RUNX2: variants seen among roughly 807,000 people sequenced by gnomAD.
RUNX2 encodes RUNX family transcription factor 2.
Under a neutral mutation model 51.7 loss-of-function variants are expected in RUNX2, and 10 were observed. The ratio of observed to expected loss-of-function variants is 0.19; its 90% CI spans 0.12 to 0.33. The LOEUF is 0.33. Ranked by LOEUF, RUNX2 falls within the 10% of genes least tolerant of loss-of-function variation. The probability of loss-of-function intolerance (pLI) is 1.00; values close to 1 mark genes in which losing one functional copy is unlikely to be tolerated. For missense variants in RUNX2, 562 were observed against 691.3 expected (o/e 0.81, Z 2.10); for synonymous variants, 276 against 273.6 (o/e 1.01, Z -0.09).
At chr6:45,466,182 G>A (rs1011131704) in intron 5 of RUNX2, among the ~76,000 whole-genome samples, 57 of 151,780 alleles carry the variant, frequency 3.8e-4, no homozygotes, top group Admixed American at 2.4e-3. Context: ...CGAGTGTGGT[G>A]GGCGCCTGTA....
At chr6:45,345,127 G>A (rs2150153832) in intron 2 of RUNX2, among the ~76,000 whole-genome samples, 1 of 152,240 alleles carries the variant, frequency 6.6e-6, no homozygotes, top group Non-Finnish European at 1.5e-5. Context: ...AGATTTAAAT[G>A]AGATATTAAT....
At position 45,546,618 on chromosome 6, in the gene RUNX2, G is replaced by A. The variant is rs558124072; in HGVS notation, c.1088-209G>A. 3.9e-5 allele frequency among the ~76,000 whole-genome samples: 6 copies of A among 152,248 alleles called. No individual in the cohort carries two copies. In the South Asian group the frequency reaches 1.2e-3, roughly 32 times the overall value. ...TTAAAGCCCTCTGGGATTCTCTGGG[G>A]GTGAAGAACTTAAGGATCAATGCTG... On this transcript the variant is annotated intron_variant, in intron 8 of 8. Transcript: ENST00000647337.
chr6:45,384,993 A>G (rs1195363176), intron 2 of RUNX2, among the ~76,000 whole-genome samples: 1 of 152,182 alleles, frequency 6.6e-6, no homozygotes, highest in Non-Finnish European at 1.5e-5. Flanking sequence ...ATGAGCCACT[A>G]TGCCCAGCCT....
intron 2 of RUNX2, among the ~76,000 whole-genome samples, chr6:45,390,173 C>T (rs543127121): frequency 6.6e-6 from 1 of 152,284 alleles, no homozygotes; most frequent in East Asian, 1.9e-4. Context: ...TCTTTGGCTT[C>T]CATGAATAGT....
intron 4 of RUNX2, among the ~76,000 whole-genome samples, chr6:45,432,788 C>T (rs996581185): frequency 2.0e-5 from 3 of 152,070 alleles, no homozygotes; most frequent in African/African-American, 7.2e-5. Context: ...CTTTTATTTA[C>T]TTATTCTACA....
intron 6 of RUNX2, among the ~76,000 whole-genome samples, chr6:45,504,653 T>C (rs1454410807): frequency 1.3e-5 from 2 of 150,648 alleles, no homozygotes; most frequent in African/African-American, 4.9e-5. Context: ...TCTCTGTATG[T>C]ATGAATGTGT....
At chr6:45,379,493 G>T (rs1797176935) in intron 2 of RUNX2, among the ~76,000 whole-genome samples, 2 of 152,232 alleles carry the variant, frequency 1.3e-5, no homozygotes, top group Admixed American at 1.3e-4. Context: ...ACCTGCATCA[G>T]ATGAGTACCT....
At chr6:45,509,166 C>CAAT (rs1217418626) in intron 6 of RUNX2, among the ~76,000 whole-genome samples, 4 of 152,180 alleles carry the variant, frequency 2.6e-5, no homozygotes, top group Non-Finnish European at 5.9e-5. Context: ...CATTGAGAAA[C>CAAT]ACAGCCCAGG....
At chr6:45,456,696 T>A (rs1419160571) in intron 5 of RUNX2, among the ~76,000 whole-genome samples, 1 of 152,218 alleles carries the variant, frequency 6.6e-6, no homozygotes, top group African/African-American at 2.4e-5. Flanking sequence ...GTGGCTTATG[T>A]ATACCTTAGC....
At chr6:45,508,251 G>A (rs1486291649) in intron 6 of RUNX2, among the ~76,000 whole-genome samples, 2 of 66,656 alleles carry the variant, frequency 3.0e-5, no homozygotes, top group Non-Finnish European at 5.5e-5. Context: ...TTTTTGAGAT[G>A]CAGTTTTGCT....
intron 5 of RUNX2, among the ~76,000 whole-genome samples, chr6:45,491,622 GTTT>G (rs34040641): frequency 5.3e-5 from 5 of 93,492 alleles, no homozygotes; most frequent in South Asian, 8.4e-4. Flanking sequence ...TCTCCTGTTT[GTTT>G]TTTTTTTTTT....
At chr6:45,336,618 A>G (rs1351135507) in intron 2 of RUNX2, among the ~76,000 whole-genome samples, 1 of 151,476 alleles carries the variant, frequency 6.6e-6, no homozygotes, top group Non-Finnish European at 1.5e-5. Flanking sequence ...ATATATGTAC[A>G]ATAAATTTTT....
intron 2 of RUNX2, among the ~76,000 whole-genome samples, chr6:45,345,111 G>A (rs1562991117): frequency 6.6e-6 from 1 of 152,146 alleles, no homozygotes; most frequent in Non-Finnish European, 1.5e-5. Flanking sequence ...TCACATGGAT[G>A]TTTTGAGATT....
intron 5 of RUNX2, among the ~76,000 whole-genome samples, chr6:45,463,036 A>G (rs574283833): frequency 2.6e-5 from 4 of 152,308 alleles, no homozygotes; most frequent in South Asian, 4.1e-4. Context: ...ACCTTTACAG[A>G]CCAGCAGCCA....
At chr6:45,423,425 G>T (rs889783988) in intron 3 of RUNX2, among the ~76,000 whole-genome samples, 4 of 152,120 alleles carry the variant, frequency 2.6e-5, no homozygotes, top group Non-Finnish European at 5.9e-5. Context: ...ATTGCGGGCT[G>T]CCCGCGCAGC....
At chr6:45,418,508 C>T (rs1191254147) in intron 2 of RUNX2, among the ~76,000 whole-genome samples, 6 of 152,188 alleles carry the variant, frequency 3.9e-5, no homozygotes, top group African/African-American at 7.2e-5. Flanking sequence ...TTGTTTCAAA[C>T]ATTTTGACGT....
intron 7 of RUNX2, among the ~76,000 whole-genome samples, chr6:45,528,618 C>T (rs1028573066): frequency 2.0e-5 from 3 of 150,456 alleles, no homozygotes; most frequent in Non-Finnish European, 4.4e-5. Context: ...GAGACTCTGT[C>T]TCAAAAAAAA....
At chr6:45,378,403 C>A (rs116658159) in intron 2 of RUNX2, among the ~76,000 whole-genome samples, 1 of 152,126 alleles carries the variant, frequency 6.6e-6, no homozygotes, top group African/African-American at 2.4e-5. Context: ...TGGGATTGCG[C>A]GTTTACAATG....
intron 5 of RUNX2, among the ~76,000 whole-genome samples, chr6:45,441,389 A>T (rs1798837709): frequency 6.6e-6 from 1 of 152,174 alleles, no homozygotes. Flanking sequence ...AACTGTATGG[A>T]GGCAGGCAAG....
Sources: allele counts gnomAD v4.1 joint callset (sites outside exome capture counted in the v4.1 genomes callset), GRCh38; gene constraint gnomAD v4.1.1; transcripts MANE v1.5; gene names NCBI Gene and HGNC (gene_info 2026-07-23, HGNC 2026-07-21).